Variants in KL observed in about 807,000 individuals in gnomAD.
KL encodes alpha-klotho.
KL carries 62 observed loss-of-function variants against 84.2 expected under a neutral mutation model. The ratio of observed to expected loss-of-function variants is 0.74; its 90% CI spans 0.60 to 0.91. KL has a LOEUF of 0.91. Ranked by LOEUF, KL falls within the 40% of genes least tolerant of loss-of-function variation. The pLI, the probability that KL is intolerant of heterozygous loss-of-function variation, is 0.00. For missense variants in KL, 1,261 were observed against 1,305.7 expected, an observed-to-expected ratio of 0.97 and a Z score of 0.53; for synonymous variants, 528 against 528.0, an observed-to-expected ratio of 1.00 and a Z score of 0.00.
At chr13:33,032,303 AT>A (rs1871000484) in intron 1 of KL, among the ~76,000 whole-genome samples, 1 of 152,230 alleles carries the variant, frequency 6.6e-6, no homozygotes, top group African/African-American at 2.4e-5. Flanking sequence ...ATTGCTTTAA[AT>A]AACCATTTTA....
chr13:33,023,175 G>C (rs943452562), intron 1 of KL, among the ~76,000 whole-genome samples: 1 of 152,150 alleles, frequency 6.6e-6, no homozygotes, highest in African/African-American at 2.4e-5. Flanking sequence ...CTGAGGAGCC[G>C]GGTGCTCAGT....
intron 3 of KL, among the ~76,000 whole-genome samples, chr13:33,058,304 A>G (rs1872040681): frequency 6.6e-6 from 1 of 151,466 alleles, no homozygotes; most frequent in African/African-American, 2.4e-5. Context: ...AATGGAGGTT[A>G]GGTGGAATTT....
chr13:33,034,156 TA>T (rs1871077749), intron 1 of KL, among the ~76,000 whole-genome samples: 1 of 152,220 alleles, frequency 6.6e-6, no homozygotes, highest in Non-Finnish European at 1.5e-5. Flanking sequence ...TTCTGTGTGA[TA>T]AAATATAATC....
intron 1 of KL, among the ~76,000 whole-genome samples, chr13:33,025,752 C>T (rs1339282871): frequency 1.3e-5 from 2 of 152,156 alleles, no homozygotes; most frequent in African/African-American, 4.8e-5. Context: ...ATTGCATTAA[C>T]AATTTTGGCT....
At chr13:33,051,184 T>A (rs1871735541) in intron 1 of KL, among the ~76,000 whole-genome samples, 1 of 152,178 alleles carries the variant, frequency 6.6e-6, no homozygotes, top group Non-Finnish European at 1.5e-5. Context: ...ACAACAGTCC[T>A]GTGAGGCACA....
intron 1 of KL, among the ~76,000 whole-genome samples, chr13:33,032,106 T>C (rs978462172): frequency 1.3e-5 from 2 of 152,144 alleles, no homozygotes; most frequent in Non-Finnish European, 2.9e-5. Context: ...AGGGGTGTGC[T>C]AGCAAATGCC....
At chr13:33,025,695 C>A (rs900305827) in intron 1 of KL, among the ~76,000 whole-genome samples, 2 of 152,116 alleles carry the variant, frequency 1.3e-5, no homozygotes, top group African/African-American at 4.8e-5. Flanking sequence ...TAGGCTTCAG[C>A]GATTACATTT....
At position 33,017,082 on chromosome 13, in the gene KL, C is replaced by T; in HGVS notation, c.642C>T (p.Asp214=). The change falls in exon 1 of 5, where the codon GAC becomes GAT. Residue 214 remains aspartate, a synonymous_variant. Transcript: ENST00000380099. ...YGGWANRALA[D]HFRDYAELCF... ...GCTGGGCCAACCGCGCCCTGGCCGA[C>T]CACTTCAGGGATTACGCGGAGCTCT... is the stretch of plus-strand genomic sequence containing the variant. 1 of 1,605,066 alleles carries T rather than the reference C, an allele frequency of 6.2e-7. No individual in the cohort carries two copies. The highest frequency in any genetic ancestry group is 8.5e-7 in the Non-Finnish European group (1 of 1,179,490).
intron 1 of KL, among the ~76,000 whole-genome samples, chr13:33,022,467 C>G (rs1870612067): frequency 6.6e-6 from 1 of 152,152 alleles, no homozygotes; most frequent in Admixed American, 6.5e-5. Context: ...AGTAAAAACA[C>G]ACAGCTTATT....
At chr13:33,056,326 G>C in intron 3 of KL, among the ~76,000 whole-genome samples, 1 of 152,256 alleles carries the variant, frequency 6.6e-6, no homozygotes, top group Non-Finnish European at 1.5e-5. Flanking sequence ...CAGCTTGAAA[G>C]GAAACACTTG....
intron 4 of KL, among the ~76,000 whole-genome samples, chr13:33,062,242 C>T (rs867510943): frequency 3.0e-4 from 46 of 151,922 alleles, no homozygotes; most frequent in African/African-American, 1.1e-3. Context: ...TAGCTGGGCA[C>T]GGTGGCATAT....
At chr13:33,060,069 T>G (rs555751278) in intron 3 of KL, among the ~76,000 whole-genome samples, 2 of 152,240 alleles carry the variant, frequency 1.3e-5, no homozygotes, top group East Asian at 3.9e-4. Flanking sequence ...GCTTAGGTGA[T>G]CCTCATACCT....
intron 1 of KL, among the ~76,000 whole-genome samples, chr13:33,033,528 A>AT (rs34137152): frequency 0.082 from 12,363 of 151,070 alleles, 557 homozygotes; most frequent in South Asian, 0.11. Context: ...TTGGGGCATT[A>AT]TTTTTTTTTA....
At chr13:33,035,344 CAGG>C (rs1871117433) in intron 1 of KL, among the ~76,000 whole-genome samples, 1 of 152,098 alleles carries the variant, frequency 6.6e-6, no homozygotes, top group Non-Finnish European at 1.5e-5. Context: ...TAACTTAAAG[CAGG>C]AGAATTAGAT....
At chr13:33,060,563 G>A in intron 3 of KL, 116 bp from the exon 4 acceptor site, 1 of 1,146,654 alleles carries the variant, frequency 8.7e-7, no homozygotes. Context: ...CACATTCTCA[G>A]CTAGAAAGGC....
chr13:33,024,444 A>T (rs530061038), intron 1 of KL, among the ~76,000 whole-genome samples: 66 of 152,332 alleles, frequency 4.3e-4, no homozygotes, highest in Non-Finnish European at 7.8e-4. Context: ...CTGTCTCATC[A>T]TCCATCACCA....
At chr13:33,025,274 T>C (rs1870728494) in intron 1 of KL, among the ~76,000 whole-genome samples, 1 of 152,208 alleles carries the variant, frequency 6.6e-6, no homozygotes, top group Non-Finnish European at 1.5e-5. Context: ...TGGCAATCTT[T>C]TTCTGTAGAG....
At chr13:33,043,401 G>A (rs1427324066) in intron 1 of KL, among the ~76,000 whole-genome samples, 1 of 152,060 alleles carries the variant, frequency 6.6e-6, no homozygotes. Context: ...TGTATTTTTA[G>A]TAGAGATGGG....
chr13:33,042,128 A>C (rs1461652290), intron 1 of KL, among the ~76,000 whole-genome samples: 1 of 152,186 alleles, frequency 6.6e-6, no homozygotes, highest in African/African-American at 2.4e-5. Flanking sequence ...GTTTCGGAGA[A>C]AATCAGTATT....
Sources: gnomAD v4.1 joint callset for allele counts (sites outside exome capture counted in the v4.1 genomes callset) on GRCh38, gnomAD v4.1.1 for gene constraint, MANE v1.5 for transcripts, NCBI Gene and HGNC (gene_info 2026-07-23, HGNC 2026-07-21) for gene names.